Variants in JAK1 observed in about 807,000 individuals in gnomAD.
JAK1 encodes Janus kinase 1, also known as tyrosine-protein kinase JAK1.
JAK1 carries 16 observed loss-of-function variants against 136.6 expected under a neutral mutation model. The observed-to-expected ratio is 0.12, with a 90% confidence interval of 0.08 to 0.18. The LOEUF (loss-of-function observed/expected upper bound fraction) is 0.18. Among genes scored for constraint, JAK1 ranks in the 10% least tolerant of loss-of-function variants. The pLI is 1.00. For missense variants in JAK1, 859 were observed against 1,450.1 expected (o/e 0.59, Z 6.62); for synonymous variants, 492 against 519.5 (o/e 0.95, Z 0.72).
intron 1 of JAK1, among the ~76,000 whole-genome samples, chr1:64,910,596 G>A (rs1645267084): frequency 6.6e-6 from 1 of 152,164 alleles, no homozygotes. Context: ...CACTTTGGGA[G>A]GCTAAGGCGG....
At chr1:64,873,210 T>C (rs1267432552) in intron 5 of JAK1, among the ~76,000 whole-genome samples, 160 bp downstream of exon 5, 1 of 152,144 alleles carries the variant, frequency 6.6e-6, no homozygotes, top group Non-Finnish European at 1.5e-5. Context: ...CTGCCTTTTT[T>C]CTCCTCACTT....
intron 2 of JAK1, among the ~76,000 whole-genome samples, chr1:64,976,982 C>G (rs1289425453): frequency 3.9e-5 from 6 of 152,158 alleles, no homozygotes; most frequent in Admixed American, 1.3e-4. Context: ...GGCAATGTTC[C>G]TTATCACTTA....
chr1:64,949,176 A>G (rs1265686071), intron 1 of JAK1, among the ~76,000 whole-genome samples: 1 of 152,232 alleles, frequency 6.6e-6, no homozygotes, highest in Non-Finnish European at 1.5e-5. Flanking sequence ...GATTTGCATT[A>G]TAGAATTGTT....
At chr1:65,058,539 T>C in intron 1 of JAK1, 1 of 531,418 alleles carries the variant, frequency 1.9e-6, no homozygotes, top group Non-Finnish European at 3.9e-6. Flanking sequence ...GTCAACGGCA[T>C]CCTTTCTGGT....
rs141810354 is a variant in JAK1, at chr1:64,908,424, A to G, written c.-77-22083T>C. Among the ~76,000 whole-genome samples, 957 of 152,238 alleles carry G rather than the reference A, an allele frequency of 6.3e-3. 4 individuals carry two copies. The highest frequency in any genetic ancestry group is 0.01 in the Non-Finnish European group (708 of 68,004). Reference sequence around the variant, plus strand: ...TACATATTCTACTGTGCAGCTTTCAATATGTTCAGGCAAGTCTTCCTTCTC... The same window carrying G: ...TACATATTCTACTGTGCAGCTTTCAGTATGTTCAGGCAAGTCTTCCTTCTC... On this transcript the variant is annotated intron_variant, in intron 1 of 24. Coordinates refer to ENST00000342505, the MANE Select transcript of JAK1 (RefSeq NM_002227.4).
chr1:65,046,702 C>A (rs1647186155), intron 1 of JAK1, among the ~76,000 whole-genome samples: 1 of 151,704 alleles, frequency 6.6e-6, no homozygotes, highest in Non-Finnish European at 1.5e-5. Context: ...TCTCTCACAG[C>A]TCTGAAATTC....
intron 3 of JAK1, among the ~76,000 whole-genome samples, chr1:64,881,724 C>A (rs186153816): frequency 1.3e-5 from 2 of 152,138 alleles, no homozygotes; most frequent in Non-Finnish European, 2.9e-5. Context: ...GGAGGTCCAG[C>A]GACTGTGTCC....
intron 1 of JAK1, among the ~76,000 whole-genome samples, chr1:65,052,580 G>A (rs566487911): frequency 2.6e-5 from 4 of 152,022 alleles, no homozygotes; most frequent in East Asian, 1.9e-4. Context: ...TTGGGAGGCC[G>A]AGGCGGGCGG....
At chr1:64,927,173 T>C (rs1645597066) in intron 1 of JAK1, among the ~76,000 whole-genome samples, 1 of 152,224 alleles carries the variant, frequency 6.6e-6, no homozygotes, top group South Asian at 2.1e-4. Context: ...ACGACCCTAT[T>C]AAGAAAGAGC....
upstream of JAK1, among the ~76,000 whole-genome samples, chr1:64,970,699 G>A (rs112061969): frequency 0.016 from 2,471 of 151,868 alleles, 78 homozygotes; most frequent in African/African-American, 0.057. Context: ...GGGAGGCGGA[G>A]GTTGCAGTGA....
At chr1:64,860,451 T>C (rs1465243093) in intron 8 of JAK1, among the ~76,000 whole-genome samples, 189 bp from the exon 9 acceptor site, 2 of 151,204 alleles carry the variant, frequency 1.3e-5, no homozygotes, top group East Asian at 3.9e-4. Context: ...TTTATTTATT[T>C]ATTTATTTAT....
intron 4 of JAK1, among the ~76,000 whole-genome samples, chr1:64,877,123 T>A (rs1644685252): frequency 1.3e-5 from 2 of 152,206 alleles, no homozygotes; most frequent in Admixed American, 6.5e-5. Context: ...TGAGGATAAC[T>A]ATGATTACCC....
chr1:65,065,390 C>T (rs1647993610), intron 1 of JAK1, among the ~76,000 whole-genome samples: 1 of 152,016 alleles, frequency 6.6e-6, no homozygotes, highest in South Asian at 2.1e-4. Flanking sequence ...ACATGCTAAA[C>T]ATCTAATAAA....
At chr1:64,873,689 G>T (rs1445513118) in intron 4 of JAK1, among the ~76,000 whole-genome samples, 166 bp from the exon 5 acceptor site, 1 of 152,138 alleles carries the variant, frequency 6.6e-6, no homozygotes, top group Non-Finnish European at 1.5e-5. Flanking sequence ...CTTCTTACTA[G>T]CGCTGCGTGA....
chr1:65,044,643 T>C (rs925274492), intron 1 of JAK1, among the ~76,000 whole-genome samples: 1 of 152,170 alleles, frequency 6.6e-6, no homozygotes, highest in Non-Finnish European at 1.5e-5. Flanking sequence ...AAAGAGTAGT[T>C]CCAATTTGGT....
chr1:64,996,841 C>G, intron 2 of JAK1, among the ~76,000 whole-genome samples: 1 of 152,214 alleles, frequency 6.6e-6, no homozygotes, highest in South Asian at 2.1e-4. Flanking sequence ...TCTAACAAAG[C>G]TGCAAACCCC....
chr1:64,936,226 T>C lies in JAK1; in HGVS notation c.-78+30107A>G, dbSNP rs376088615. On this transcript the variant is annotated intron_variant, in intron 1 of 24. Coordinates refer to ENST00000342505, the MANE Select transcript of JAK1 (RefSeq NM_002227.4). ...AGGATTTCAAGGTTGGAATGGACTC[T>C]ACAAAACATTCACCCTCCTCCTCCA... Among the ~76,000 whole-genome samples the C allele has an allele frequency of 2.0e-4, 31 of 152,328 alleles. 5 individuals are homozygous for C. Among genetic ancestry groups the C allele is most frequent in the Admixed American group, 3.3e-4 (5 of 15,304 alleles).
intron 2 of JAK1, among the ~76,000 whole-genome samples, chr1:64,973,459 G>A (rs1646471550): frequency 1.3e-5 from 2 of 151,764 alleles, no homozygotes; most frequent in South Asian, 4.1e-4. Flanking sequence ...ATTTTATACA[G>A]CTAAATATTT....
chr1:64,868,785 C>T (rs551146931), intron 6 of JAK1, among the ~76,000 whole-genome samples: 3 of 152,172 alleles, frequency 2.0e-5, no homozygotes, highest in African/African-American at 4.8e-5. Flanking sequence ...TTAAATATTC[C>T]TTCACAGAGA....
Sources: gnomAD v4.1 joint callset for allele counts (sites outside exome capture counted in the v4.1 genomes callset) on GRCh38, gnomAD v4.1.1 for gene constraint, MANE v1.5 for transcripts, NCBI Gene and HGNC (gene_info 2026-07-23, HGNC 2026-07-21) for gene names.